TOGARAM1: variants seen among roughly 807,000 people sequenced by gnomAD.
TOGARAM1 encodes the protein TOG array regulator of axonemal microtubules 1.
Under a neutral mutation model 166.6 loss-of-function variants are expected in TOGARAM1, and 100 were observed. The observed-to-expected ratio is 0.60, with a 90% CI of 0.51 to 0.71. The LOEUF (loss-of-function observed/expected upper bound fraction) is 0.71, where lower values mean the gene tolerates loss of function less well. TOGARAM1 is among the 30% of genes least tolerant of loss of function. The pLI, the probability that TOGARAM1 is intolerant of heterozygous loss-of-function variation, is 0.00. For missense variants in TOGARAM1, 2,029 were observed against 2,102.7 expected, an observed-to-expected ratio of 0.96 and a Z score of 0.69; for synonymous variants, 758 against 763.8, an observed-to-expected ratio of 0.99 and a Z score of 0.13.
chr14:45,061,860 A>C (rs555897480), intron 16 of TOGARAM1, among the ~76,000 whole-genome samples: 2 of 151,906 alleles, frequency 1.3e-5, no homozygotes, highest in East Asian at 3.9e-4. Context: ...GATAATGCTG[A>C]ATAATCCCTT....
At chr14:45,001,546 C>T (rs1212741545) in intron 3 of TOGARAM1, among the ~76,000 whole-genome samples, 1 of 152,072 alleles carries the variant, frequency 6.6e-6, no homozygotes, top group Admixed American at 6.5e-5. Flanking sequence ...GGAACTCAAA[C>T]AATTCAATAG....
intron 1 of TOGARAM1, among the ~76,000 whole-genome samples, chr14:44,969,150 C>CTTTCTTTCTTTCT (rs1555341663): frequency 5.8e-4 from 75 of 130,008 alleles, no homozygotes; most frequent in African/African-American, 7.2e-4. Flanking sequence ...TCCTTCCTTT[C>CTTTCTTTCTTTCT]TTTCTTTCTT....
At chr14:45,065,220 T>C (rs936267094) in intron 16 of TOGARAM1, among the ~76,000 whole-genome samples, 1 of 152,114 alleles carries the variant, frequency 6.6e-6, no homozygotes, top group South Asian at 2.1e-4. Context: ...GCATCTAAAA[T>C]AGATAGACAG....
At position 44,962,449 on chromosome 14, in the gene TOGARAM1, C is replaced by T. The variant is rs770939463; in HGVS notation, c.28C>T (p.Leu10=). Residue 10 remains leucine (L), a synonymous_variant, in exon 1 of 20, where the codon CTG becomes TTG. Transcript: ENST00000361462. ...GGCGGCTGCCCCCTCCGCGCTGCTT[C>T]TGCTGCCGCCCTTTCCAGTCCTCTC... The part of the protein sequence containing the change: MAAAPSALL[L]LPPFPVLSTY... 11 of 1,577,150 alleles carry T rather than the reference C, an allele frequency of 7.0e-6. No homozygotes were observed. The highest frequency in any genetic ancestry group is 5.4e-5 in the African/African-American group (4 of 73,864).
chr14:44,968,209 C>T (rs1201398050), intron 1 of TOGARAM1, among the ~76,000 whole-genome samples: 1 of 152,046 alleles, frequency 6.6e-6, no homozygotes. Context: ...TTTATGTGTG[C>T]AGTTTAAAAA....
intron 7 of TOGARAM1, among the ~76,000 whole-genome samples, chr14:45,019,874 C>T (rs534607292): frequency 6.6e-6 from 1 of 152,268 alleles, no homozygotes; most frequent in Non-Finnish European, 1.5e-5. Flanking sequence ...ACTGCTCTAA[C>T]TGCTTCCTGC....
Position 44,962,727 on chromosome 14 carries a change from C to G in TOGARAM1, c.306C>G (p.Leu102=), listed in dbSNP as rs757832574. ...GDEEDTRLLQ[L]LRTARDPSEA... Reference sequence around the variant, plus strand: ...AAGAGGACACTCGGCTCCTTCAACTCCTCCGCACTGCCCGGGATCCTTCTG... The same window carrying G: ...AAGAGGACACTCGGCTCCTTCAACTGCTCCGCACTGCCCGGGATCCTTCTG... The change falls in exon 1 of 20, where the codon CTC becomes CTG. Residue 102 remains leucine (L), a synonymous_variant. Coordinates refer to ENST00000361462, the MANE Select transcript of TOGARAM1 (RefSeq NM_001308120.2). 6.2e-7 allele frequency: 1 copy of G among 1,613,820 alleles called. No homozygotes were observed. The highest frequency in any genetic ancestry group is 8.5e-7 in the Non-Finnish European group (1 of 1,180,044).
chr14:44,986,478 C>T (rs1039812461), intron 1 of TOGARAM1, among the ~76,000 whole-genome samples: 3 of 151,954 alleles, frequency 2.0e-5, no homozygotes, highest in Non-Finnish European at 4.4e-5. Context: ...TTCATAGAGA[C>T]AAGATCTTGC....
chr14:44,991,554 A>G (rs1887136230), intron 1 of TOGARAM1, among the ~76,000 whole-genome samples: 1 of 152,210 alleles, frequency 6.6e-6, no homozygotes, highest in Non-Finnish European at 1.5e-5. Flanking sequence ...GGAATATAAT[A>G]CACAAAGATA....
intron 1 of TOGARAM1, among the ~76,000 whole-genome samples, chr14:44,964,951 T>TA (rs35780816): frequency 0.79 from 67,445 of 85,818 alleles, 25,666 homozygotes; most frequent in South Asian, 0.89. Context: ...ACTAGAAAAG[T>TA]AAAAAAAAAA....
rs1279975735 is a variant in TOGARAM1 at position 44,992,616 on chromosome 14, T to C, written c.2047-3130T>C. On this transcript the variant is annotated intron_variant, in intron 1 of 19. Coordinates refer to ENST00000361462, the MANE Select transcript of TOGARAM1 (RefSeq NM_001308120.2). The stretch of plus-strand genomic sequence containing the variant: ...CAAGAGTAAATTTTTGTAATCTTTT[T>C]TTTTTTTTTTTTTTTTTTTTGAGAT... Among the ~76,000 whole-genome samples the C allele has an allele frequency of 4.2e-4, 56 of 134,774 alleles. No homozygotes were observed. In the East Asian group the frequency reaches 0.01, roughly 25 times the overall value. 88.4% of individuals were successfully genotyped at this position (134,774 alleles called of 152,430 possible).
intron 16 of TOGARAM1, among the ~76,000 whole-genome samples, chr14:45,055,553 C>G (rs1409878170): frequency 6.6e-6 from 1 of 152,014 alleles, no homozygotes; most frequent in Non-Finnish European, 1.5e-5. Flanking sequence ...ACCTGTAATC[C>G]CAGCACTTTG....
chr14:45,006,434 T>A lies in TOGARAM1; in HGVS notation c.2904+167T>A, dbSNP rs1879436588. The A allele has an allele frequency of 9.2e-6, 5 of 546,268 alleles. No homozygotes were observed. The South Asian group carries it at 1.3e-4, about 14-fold the overall frequency. The allele number at this position is 546,268 out of a possible 1,614,324, so 33.8% of individuals were successfully genotyped here. On this transcript the variant is annotated intron_variant, in intron 5 of 19. Transcript: ENST00000361462. ...ACCATGAATTAGTAGGAAGGGAATTTATCACGCCAGTTCCCACTACCAGAA... is the reference window on the plus strand; with the variant it reads ...ACCATGAATTAGTAGGAAGGGAATTAATCACGCCAGTTCCCACTACCAGAA...
chr14:45,056,140 A>T (rs910606233), intron 16 of TOGARAM1, among the ~76,000 whole-genome samples: 4 of 151,922 alleles, frequency 2.6e-5, no homozygotes. Flanking sequence ...TTTAGTTATT[A>T]TAAGTGGGAT....
In TOGARAM1 at chr14:45,073,580, T is replaced by C. The variant is rs777844420; in HGVS notation, c.*19T>C. 6.9e-6 allele frequency: 11 copies of C among 1,599,546 alleles called. No homozygotes were observed. In the South Asian group the frequency reaches 1.1e-4, roughly 16 times the overall value. ...ATTATGAATCTTCGATAAAATACTGTATGATGAACAAAAGTGTTTACATGA... is the reference window on the plus strand; with the variant it reads ...ATTATGAATCTTCGATAAAATACTGCATGATGAACAAAAGTGTTTACATGA... On this transcript the variant is annotated 3_prime_UTR_variant, in exon 20 of 20. Transcript: ENST00000361462.
intron 5 of TOGARAM1, chr14:45,006,468 T>C (rs1879439559): frequency 2.2e-6 from 1 of 454,908 alleles, no homozygotes. Context: ...AATAATTTAC[T>C]GTTAACACTC....
In TOGARAM1 at chr14:45,046,717, A is replaced by C. The variant is rs574608603; in HGVS notation, c.4313+14A>C. Reference sequence around the variant, plus strand: ...ACAAGAAACCAGGTGAATATCTGCTAATGTTTGCTAAATCTATTATTAATA... The same window carrying C: ...ACAAGAAACCAGGTGAATATCTGCTCATGTTTGCTAAATCTATTATTAATA... On this transcript the variant is annotated intron_variant, in intron 14 of 19. Coordinates refer to ENST00000361462, the MANE Select transcript of TOGARAM1 (RefSeq NM_001308120.2). 3.2e-6 allele frequency: 4 copies of C among 1,262,148 alleles called. No individual in the cohort carries two copies. In the African/African-American group the frequency reaches 4.6e-5, roughly 15 times the overall value. 78.2% of individuals were successfully genotyped at this position (1,262,148 alleles called of 1,614,324 possible).
intron 1 of TOGARAM1, among the ~76,000 whole-genome samples, chr14:44,988,956 A>T (rs1019976485): frequency 6.6e-6 from 1 of 152,222 alleles, no homozygotes; most frequent in Non-Finnish European, 1.5e-5. Context: ...TAACATTTTG[A>T]TTGCAGCCTT....
At chr14:45,059,372 G>A (rs1314851885) in intron 16 of TOGARAM1, among the ~76,000 whole-genome samples, 1 of 152,184 alleles carries the variant, frequency 6.6e-6, no homozygotes, top group Non-Finnish European at 1.5e-5. Flanking sequence ...TATTGGCTGG[G>A]TGCAGTGGTA....
Sources: gnomAD v4.1 joint callset for allele counts (sites outside exome capture counted in the v4.1 genomes callset) on GRCh38, gnomAD v4.1.1 for gene constraint, MANE v1.5 for transcripts, NCBI Gene and HGNC (gene_info 2026-07-23, HGNC 2026-07-21) for gene names.